GUCY1A2: variants seen among roughly 807,000 people sequenced by gnomAD.
The protein encoded by GUCY1A2 is guanylate cyclase 1 soluble subunit alpha 2.
Under a neutral mutation model 63.5 loss-of-function variants are expected in GUCY1A2, and 27 were observed. That is an observed-to-expected ratio of 0.43 (90% CI 0.31 to 0.59). The LOEUF (loss-of-function observed/expected upper bound fraction) is 0.59. Ranked by LOEUF, GUCY1A2 falls within the 20% of genes least tolerant of loss-of-function variation. The pLI, the probability that GUCY1A2 is intolerant of heterozygous loss-of-function variation, is 0.11. For missense variants in GUCY1A2, 768 were observed against 913.3 expected, an observed-to-expected ratio of 0.84 and a Z score of 2.05; for synonymous variants, 364 against 343.5, an observed-to-expected ratio of 1.06 and a Z score of -0.66.
chr11:106,816,354 AAAC>A (rs1565299050), intron 4 of GUCY1A2, among the ~76,000 whole-genome samples: 1 of 151,858 alleles, frequency 6.6e-6, no homozygotes, highest in African/African-American at 2.4e-5. Context: ...TGTGAAAATG[AAAC>A]AACACTTTTC....
chr11:106,775,152 C>T (rs969292801), intron 6 of GUCY1A2, among the ~76,000 whole-genome samples: 4 of 151,984 alleles, frequency 2.6e-5, no homozygotes, highest in Non-Finnish European at 5.9e-5. Context: ...AAAACCCATA[C>T]TATGAAACTG....
chr11:106,710,701 C>T (rs1368638008), intron 6 of GUCY1A2, among the ~76,000 whole-genome samples: 1 of 151,918 alleles, frequency 6.6e-6, no homozygotes, highest in Non-Finnish European at 1.5e-5. Flanking sequence ...TATAATTAAA[C>T]ACGATAACAG....
chr11:106,905,138 A>C (rs1000076656), intron 4 of GUCY1A2, among the ~76,000 whole-genome samples: 2 of 152,136 alleles, frequency 1.3e-5, no homozygotes, highest in Non-Finnish European at 2.9e-5. Context: ...GCAAACATGG[A>C]AAGATACAAC....
intron 4 of GUCY1A2, among the ~76,000 whole-genome samples, chr11:106,895,662 T>C (rs1490066825): frequency 6.6e-6 from 1 of 152,186 alleles, no homozygotes. Flanking sequence ...GTGAGTTCAT[T>C]AAACCTCTTT....
At chr11:107,000,282 A>G (rs1239499053) in intron 1 of GUCY1A2, among the ~76,000 whole-genome samples, 1 of 152,214 alleles carries the variant, frequency 6.6e-6, no homozygotes, top group Non-Finnish European at 1.5e-5. Flanking sequence ...ACTGATCTTT[A>G]TGTCAGGTGG....
intron 1 of GUCY1A2, among the ~76,000 whole-genome samples, chr11:106,998,970 A>G (rs931237440): frequency 2.0e-5 from 3 of 152,136 alleles, no homozygotes; most frequent in African/African-American, 7.2e-5. Flanking sequence ...TGACTGAGAG[A>G]TCCCAGAAGC....
chr11:106,780,793 G>GTAAT (rs1864445231), intron 5 of GUCY1A2, among the ~76,000 whole-genome samples: 1 of 152,174 alleles, frequency 6.6e-6, no homozygotes. Flanking sequence ...TAAAGTGTAT[G>GTAAT]TAATATATCT....
chr11:107,006,159 C>T (rs11212002), intron 1 of GUCY1A2, among the ~76,000 whole-genome samples: 7,233 of 152,252 alleles, frequency 0.048, 702 homozygotes, highest in East Asian at 0.32. Context: ...GTTTGCCAGA[C>T]TGCAAATCTC....
Position 106,677,945 on chromosome 11 carries a change from G to A in GUCY1A2, c.*9604C>T, listed in dbSNP as rs974896098. On this transcript the variant is annotated 3_prime_UTR_variant, in exon 8 of 8. Transcript: ENST00000526355. Reference sequence around the variant, plus strand: ...TTAGACAGAATAAAATTGTTTTTAAGGATCAAATGAAAAAGCAATGAGCAC... The same window carrying A: ...TTAGACAGAATAAAATTGTTTTTAAAGATCAAATGAAAAAGCAATGAGCAC... 4 of 200,628 alleles carry A rather than the reference G, an allele frequency of 2.0e-5. No homozygotes were observed. The highest frequency in any genetic ancestry group is 6.9e-5 in the African/African-American group (3 of 43,418). 12.4% of individuals were successfully genotyped at this position (200,628 alleles called of 1,614,324 possible). A position where few individuals can be genotyped will look rare whatever the true frequency, so the allele number is the denominator to read the frequency against.
intron 4 of GUCY1A2, among the ~76,000 whole-genome samples, chr11:106,855,909 AT>A (rs1565311165): frequency 2.5e-4 from 25 of 100,386 alleles, no homozygotes; most frequent in East Asian, 1.3e-3. Flanking sequence ...TTATTTATTT[AT>A]TTATTTATTT....
intron 4 of GUCY1A2, among the ~76,000 whole-genome samples, chr11:106,826,238 A>G (rs1322011922): frequency 1.3e-5 from 2 of 152,182 alleles, no homozygotes; most frequent in Admixed American, 6.5e-5. Context: ...TCAAACTTAG[A>G]ATTTATGTTT....
rs111619273 is a variant in GUCY1A2 at position 107,004,488 on chromosome 11, G to T, written c.303+13265C>A. On this transcript the variant is annotated intron_variant, in intron 1 of 7. Transcript: ENST00000526355. ...TTCTCTTTCTTTTCCAAGCCCTAAG[G>T]CTTCCTCTGAAGTGACACTATACAT... Among the ~76,000 whole-genome samples, 910 of 151,968 alleles carry T rather than the reference G, an allele frequency of 6.0e-3. 7 individuals carry two copies. The highest frequency in any genetic ancestry group is 0.021 in the African/African-American group (872 of 41,426).
chr11:106,800,294 T>C (rs573486038), intron 5 of GUCY1A2, among the ~76,000 whole-genome samples: 1 of 152,214 alleles, frequency 6.6e-6, no homozygotes, highest in African/African-American at 2.4e-5. Flanking sequence ...TTGGTGGGAC[T>C]GTAAACTAGT....
Position 107,014,515 on chromosome 11 carries a change from C to T in GUCY1A2, c.303+3238G>A, listed in dbSNP as rs544158718. Among the ~76,000 whole-genome samples, 6 of 152,042 alleles carry T rather than the reference C, an allele frequency of 3.9e-5. No homozygotes were observed. In the East Asian group the frequency reaches 7.7e-4, roughly 20 times the overall value. ...AAGGCAAAATTAGAATCAGGTCTCC[C>T]GAATTCTGGAATTTTTTTTCAATTT... On this transcript the variant is annotated intron_variant, in intron 1 of 7. Coordinates refer to ENST00000526355, the MANE Select transcript of GUCY1A2 (RefSeq NM_000855.3).
chr11:106,931,682 C>T (rs1417374324), intron 4 of GUCY1A2, among the ~76,000 whole-genome samples: 1 of 152,120 alleles, frequency 6.6e-6, no homozygotes, highest in Non-Finnish European at 1.5e-5. Context: ...CTGATGCATA[C>T]TACACTACAG....
chr11:106,750,771 C>T (rs1437314401), intron 6 of GUCY1A2, among the ~76,000 whole-genome samples: 1 of 151,524 alleles, frequency 6.6e-6, no homozygotes, highest in African/African-American at 2.4e-5. Flanking sequence ...ACAAATTAAG[C>T]TCTTAATTAG....
At chr11:106,960,660 G>A (rs532915616) in intron 3 of GUCY1A2, among the ~76,000 whole-genome samples, 18 of 152,178 alleles carry the variant, frequency 1.2e-4, no homozygotes, top group South Asian at 6.2e-4. Flanking sequence ...TAGAAAATAC[G>A]GACTGGATAC....
intron 4 of GUCY1A2, among the ~76,000 whole-genome samples, chr11:106,896,132 G>C (rs1860046093): frequency 6.6e-6 from 1 of 151,468 alleles, no homozygotes; most frequent in Non-Finnish European, 1.5e-5. Flanking sequence ...CAACCAAGTA[G>C]TATTTTTCTC....
At chr11:106,973,640 C>T (rs1861225051) in intron 3 of GUCY1A2, among the ~76,000 whole-genome samples, 1 of 152,072 alleles carries the variant, frequency 6.6e-6, no homozygotes, top group Non-Finnish European at 1.5e-5. Flanking sequence ...CTCTGGAAGG[C>T]AGCACAAAGT....
Sources: allele counts gnomAD v4.1 joint callset (sites outside exome capture counted in the v4.1 genomes callset), GRCh38; gene constraint gnomAD v4.1.1; transcripts MANE v1.5; gene names NCBI Gene and HGNC (gene_info 2026-07-23, HGNC 2026-07-21).